The following RC3H2 variants were observed in gnomAD, a reference collection of about 807,000 sequenced individuals.
The protein encoded by RC3H2 is roquin-2.
RC3H2 carries 31 observed loss-of-function variants against 133.3 expected under a neutral mutation model. The ratio of observed to expected loss-of-function variants is 0.23; its 90% CI spans 0.17 to 0.31. RC3H2 has a LOEUF of 0.31. RC3H2 is among the 10% of genes least tolerant of loss of function. The pLI, the probability that RC3H2 is intolerant of heterozygous loss-of-function variation, is 1.00. For synonymous variants in RC3H2, 517 were observed against 502.2 expected (o/e 1.03, Z -0.40); for missense variants, 1,175 against 1,437.2 (o/e 0.82, Z 2.95).
intron 4 of RC3H2, 153 bp downstream of exon 4, chr9:122,890,159 A>G (rs538295672): frequency 8.9e-6 from 6 of 673,546 alleles, no homozygotes; most frequent in East Asian, 2.7e-5. Context: ...CAAAACAGCA[A>G]TAACAACAAC....
chr9:122,896,679 TAACA>T (rs1832432495), intron 2 of RC3H2, among the ~76,000 whole-genome samples: 1 of 152,112 alleles, frequency 6.6e-6, no homozygotes, highest in Non-Finnish European at 1.5e-5. Flanking sequence ...CTATTTCATG[TAACA>T]AATTATTAGG....
At chr9:122,866,642 A>C (rs1428247762) in intron 9 of RC3H2, among the ~76,000 whole-genome samples, 15 of 152,000 alleles carry the variant, frequency 9.9e-5, no homozygotes, top group Non-Finnish European at 1.5e-4. Context: ...CCTAGCCGCG[A>C]GTGATCCGCC....
intron 8 of RC3H2, among the ~76,000 whole-genome samples, chr9:122,878,411 C>T (rs1831436648): frequency 6.6e-6 from 1 of 152,062 alleles, no homozygotes; most frequent in Non-Finnish European, 1.5e-5. Context: ...GCTGGGACTA[C>T]AGGCGCCTGC....
rs752568541 is a variant in RC3H2, at chr9:122,859,120, G to A, written c.1850-18C>T. On this transcript the variant is annotated intron_variant, in intron 11 of 20. Coordinates refer to ENST00000357244, the MANE Select transcript of RC3H2 (RefSeq NM_001100588.3). Reference sequence around the variant, plus strand: ...ATAGTATCCTTGAAAATTGGAAAGAGGAATATTTAATGTAATCTTAGTACA... The same window carrying A: ...ATAGTATCCTTGAAAATTGGAAAGAAGAATATTTAATGTAATCTTAGTACA... 2.0e-6 allele frequency: 3 copies of A among 1,516,740 alleles called. No individual in the cohort carries two copies. The highest frequency in any genetic ancestry group is 2.7e-6 in the Non-Finnish European group (3 of 1,131,474). The allele number at this position is 1,516,740 out of a possible 1,614,324, so 94.0% of individuals were successfully genotyped here. A position where few individuals can be genotyped will look rare whatever the true frequency, so the allele number is the denominator to read the frequency against.
chr9:122,891,833 G>A (rs1268288054), intron 3 of RC3H2, among the ~76,000 whole-genome samples: 2 of 152,196 alleles, frequency 1.3e-5, no homozygotes, highest in Non-Finnish European at 2.9e-5. Context: ...TTATACCTAT[G>A]ATGTGCTAAG....
chr9:122,848,455 T>C lies in RC3H2; in HGVS notation c.*1172A>G, dbSNP rs573592867. 2 of 152,276 alleles carry C rather than the reference T, an allele frequency of 1.3e-5. No homozygotes were observed. The highest frequency in any genetic ancestry group is 4.8e-5 in the African/African-American group (2 of 41,562). 9.4% of individuals were successfully genotyped at this position (152,276 alleles called of 1,614,324 possible). A position where few individuals can be genotyped will look rare whatever the true frequency, so the allele number is the denominator to read the frequency against. On this transcript the variant is annotated 3_prime_UTR_variant, in exon 21 of 21. Transcript: ENST00000357244. ...CTTTCAGATGCCAAGTCAAAACCAT[T>C]TCAGTCACATTTTAGCAAGGCAGAA...
At chr9:122,850,764 C>T (rs1259364978) in intron 20 of RC3H2, among the ~76,000 whole-genome samples, 1 of 152,006 alleles carries the variant, frequency 6.6e-6, no homozygotes. Flanking sequence ...ACATGATTTT[C>T]AAAAAGAGAA....
intron 4 of RC3H2, chr9:122,890,055 T>C (rs1009860021): frequency 3.0e-5 from 18 of 590,246 alleles, no homozygotes; most frequent in African/African-American, 2.4e-4. Context: ...GTCAGGAGAA[T>C]TGCTTGAGCA....
intron 10 of RC3H2, among the ~76,000 whole-genome samples, chr9:122,861,635 G>A (rs1227480371): frequency 6.6e-6 from 1 of 152,104 alleles, no homozygotes; most frequent in Non-Finnish European, 1.5e-5. Flanking sequence ...TATGTGATGA[G>A]TGAAGAAAAT....
At position 122,851,117 on chromosome 9, in the gene RC3H2, T is replaced by G. The variant is rs1431000350; in HGVS notation, c.3344A>C (p.Gln1115Pro). The G allele has an allele frequency of 6.2e-7, 1 of 1,614,240 alleles. No homozygotes were observed. Among genetic ancestry groups the G allele is most frequent in the South Asian group, 1.1e-5 (1 of 91,084 alleles). ...VQQHQKEPPK[Q>P]KKQSLGEDHV... The stretch of plus-strand genomic sequence containing the variant: ...GTCTTCACCTAAACTCTGTTTCTTC[T>G]GCTTTGGTGGCTCCTTTTGGTGCTG... The change falls in exon 20 of 21, where the codon CAG (glutamine) becomes CCG (proline). Residue 1115 changes from glutamine to proline, a missense_variant. By Grantham distance (76) the Gln-to-Pro change is moderately conservative. Around this residue, in one of 8 missense-constraint regions of RC3H2, gnomAD observed 220 missense variants for 201.1 expected, o/e 1.09. Transcript: ENST00000357244.
At chr9:122,851,644 G>A (rs1289204399) in intron 18 of RC3H2, 4 of 582,668 alleles carry the variant, frequency 6.9e-6, no homozygotes, top group Admixed American at 3.3e-5. Context: ...TTGCAGGCGC[G>A]CGCCGCCACG....
chr9:122,866,386 C>CA (rs1830663327), intron 9 of RC3H2, among the ~76,000 whole-genome samples: 1 of 106,456 alleles, frequency 9.4e-6, no homozygotes, highest in South Asian at 3.4e-4. Context: ...CCCCCTCCCT[C>CA]TCCCCACGGT....
intron 12 of RC3H2, among the ~76,000 whole-genome samples, chr9:122,858,313 GAAGTC>G (rs775543477): frequency 1.2e-4 from 18 of 152,174 alleles, no homozygotes; most frequent in Non-Finnish European, 1.9e-4. Context: ...CTTGCTTAGG[GAAGTC>G]ATTTGTATGT....
intron 3 of RC3H2, among the ~76,000 whole-genome samples, chr9:122,891,342 C>G (rs1221641340): frequency 6.6e-6 from 1 of 152,008 alleles, no homozygotes; most frequent in Non-Finnish European, 1.5e-5. Flanking sequence ...TTTCTTTCTT[C>G]TCTTATGCAG....
intron 20 of RC3H2, 120 bp from the exon 21 acceptor site, chr9:122,849,942 T>C: frequency 3.6e-6 from 2 of 553,834 alleles, no homozygotes; most frequent in Non-Finnish European, 5.9e-6. Flanking sequence ...AAGACATGTC[T>C]TTATCACTAG....
At chr9:122,899,474 CT>C (rs1290158281) in intron 1 of RC3H2, among the ~76,000 whole-genome samples, 1 of 152,164 alleles carries the variant, frequency 6.6e-6, no homozygotes, top group Non-Finnish European at 1.5e-5. Context: ...AAAAGCACCC[CT>C]ATACAAACTT....
intron 1 of RC3H2, among the ~76,000 whole-genome samples, chr9:122,901,233 T>C (rs964716945): frequency 2.2e-4 from 33 of 152,238 alleles, no homozygotes; most frequent in African/African-American, 7.0e-4. Context: ...GTTTTCATTC[T>C]TGTTAACCTA....
At chr9:122,864,141 A>C (rs999152953) in intron 10 of RC3H2, among the ~76,000 whole-genome samples, 2 of 152,374 alleles carry the variant, frequency 1.3e-5, no homozygotes, top group South Asian at 4.1e-4. Context: ...TGCCTAGCAC[A>C]ATGCTTTTTT....
At chr9:122,857,841 G>A in intron 13 of RC3H2, 82 bp downstream of exon 13, 1 of 1,229,206 alleles carries the variant, frequency 8.1e-7, no homozygotes, top group Non-Finnish European at 1.2e-6. Flanking sequence ...ATCCAACATA[G>A]CTATTCCTGG....
Sources: allele counts gnomAD v4.1 joint callset (sites outside exome capture counted in the v4.1 genomes callset), GRCh38; gene constraint gnomAD v4.1.1; regional missense constraint gnomAD v4.1.1; transcripts MANE v1.5; gene names NCBI Gene and HGNC (gene_info 2026-07-23, HGNC 2026-07-21).